The following MEI4 variants were observed in gnomAD, a reference collection of about 807,000 sequenced individuals.
The protein encoded by MEI4 is meiotic double-stranded break formation protein 4.
MEI4 carries 27 observed loss-of-function variants against 31.4 expected under a neutral mutation model. That is an observed-to-expected ratio of 0.86 (90% confidence interval 0.63 to 1.19). The LOEUF (loss-of-function observed/expected upper bound fraction) is 1.19, where lower values mean the gene tolerates loss of function less well. MEI4 is among the 50% of genes most tolerant of loss of function. MEI4 has a pLI of 0.00. For synonymous variants in MEI4, 122 were observed against 145.4 expected, an observed-to-expected ratio of 0.84 and a Z score of 1.16; for missense variants, 329 against 398.9, an observed-to-expected ratio of 0.82 and a Z score of 1.49.
intron 4 of MEI4, among the ~76,000 whole-genome samples, chr6:77,894,422 TGTC>T (rs1766038680): frequency 6.6e-6 from 1 of 152,040 alleles, no homozygotes; most frequent in Non-Finnish European, 1.5e-5. Context: ...GTAATACAAG[TGTC>T]TATAAGAATA....
chr6:77,661,547 G>A (rs961386493), intron 1 of MEI4, among the ~76,000 whole-genome samples: 2 of 152,172 alleles, frequency 1.3e-5, no homozygotes, highest in African/African-American at 2.4e-5. Flanking sequence ...AGCTTGATGT[G>A]TAGGAATGGG....
intron 2 of MEI4, among the ~76,000 whole-genome samples, chr6:77,715,792 A>C (rs1766566882): frequency 6.6e-6 from 1 of 152,234 alleles, no homozygotes; most frequent in African/African-American, 2.4e-5. Flanking sequence ...TCATATACTT[A>C]ACGTCACGTG....
At chr6:77,757,508 A>G (rs1433047840) in intron 2 of MEI4, among the ~76,000 whole-genome samples, 1 of 152,214 alleles carries the variant, frequency 6.6e-6, no homozygotes, top group Non-Finnish European at 1.5e-5. Flanking sequence ...TCAAATTTGT[A>G]CTTGTCATGC....
chr6:77,695,150 A>G lies in MEI4; in HGVS notation c.232+4247A>G, dbSNP rs1765988644. On this transcript the variant is annotated intron_variant, in intron 2 of 4. Coordinates refer to ENST00000684080, the MANE Select transcript of MEI4 (RefSeq NM_001322247.2). ...GTAAATTTGTTTGAGTTCATTGTAG[A>G]TTCTGGATATTAGCCCTTTGTCAGA... Among the ~76,000 whole-genome samples the G allele has an allele frequency of 2.0e-5, 3 of 152,062 alleles. No homozygotes were observed. In the South Asian group the frequency reaches 6.2e-4, roughly 31 times the overall value.
At chr6:77,850,411 C>A (rs1264443376) in intron 4 of MEI4, among the ~76,000 whole-genome samples, 2 of 152,152 alleles carry the variant, frequency 1.3e-5, no homozygotes, top group African/African-American at 2.4e-5. Context: ...GTAACCAAAA[C>A]AGCATGGTAC....
chr6:77,869,328 C>T (rs1183189079), intron 4 of MEI4, among the ~76,000 whole-genome samples: 1 of 152,072 alleles, frequency 6.6e-6, no homozygotes, highest in Non-Finnish European at 1.5e-5. Context: ...TATGTCGAAG[C>T]CCTAATCCCC....
intron 3 of MEI4, among the ~76,000 whole-genome samples, chr6:77,794,383 G>A (rs1175480279): frequency 6.6e-6 from 1 of 152,154 alleles, no homozygotes; most frequent in Non-Finnish European, 1.5e-5. Context: ...CTAACACGGT[G>A]AAATCCCGTC....
chr6:77,729,004 G>T (rs1293639480), intron 2 of MEI4, among the ~76,000 whole-genome samples: 5 of 152,208 alleles, frequency 3.3e-5, no homozygotes, highest in African/African-American at 1.2e-4. Flanking sequence ...CGGACAGTTA[G>T]AACATGTAAG....
chr6:77,751,395 A>G lies in MEI4; in HGVS notation c.233-9735A>G, dbSNP rs192672201. On this transcript the variant is annotated intron_variant, in intron 2 of 4. Transcript: ENST00000684080. ...TAGCCAGACTAATAAAGAAGAAAAG[A>G]GAGAAGAATCAAATAGATGAAATAA... Among the ~76,000 whole-genome samples, 213 of 152,290 alleles carry G rather than the reference A, an allele frequency of 1.4e-3. 1 individual carries two copies. The highest frequency in any genetic ancestry group is 4.5e-3 in the African/African-American group (187 of 41,578).
intron 4 of MEI4, among the ~76,000 whole-genome samples, chr6:77,876,642 G>A (rs1303901114): frequency 1.3e-5 from 2 of 152,122 alleles, no homozygotes; most frequent in Non-Finnish European, 1.5e-5. Context: ...CACAATGCCT[G>A]TCCACACTTG....
At chr6:77,914,060 GT>G (rs1766490215) in intron 4 of MEI4, among the ~76,000 whole-genome samples, 1 of 147,524 alleles carries the variant, frequency 6.8e-6, no homozygotes, top group Admixed American at 6.8e-5. Context: ...TTTCGTTGAT[GT>G]TTTATATTGT....
intron 4 of MEI4, among the ~76,000 whole-genome samples, chr6:77,868,548 T>A (rs1209545095): frequency 7.6e-6 from 1 of 131,366 alleles, no homozygotes; most frequent in African/African-American, 2.8e-5. Flanking sequence ...AAGTAAAATC[T>A]CTTAGAGAAG....
At chr6:77,801,819 A>T (rs1769270091) in intron 3 of MEI4, among the ~76,000 whole-genome samples, 2 of 152,106 alleles carry the variant, frequency 1.3e-5, no homozygotes. Flanking sequence ...TTGTAGTTTG[A>T]TTGCACTGTG....
chr6:77,918,986 T>G (rs1024798264), intron 4 of MEI4, among the ~76,000 whole-genome samples: 1 of 151,952 alleles, frequency 6.6e-6, no homozygotes, highest in Admixed American at 6.6e-5. Context: ...GAAGGGTTGT[T>G]GAATTATAAA....
chr6:77,665,442 G>A (rs1249300946), intron 1 of MEI4, among the ~76,000 whole-genome samples: 1 of 151,938 alleles, frequency 6.6e-6, no homozygotes, highest in Non-Finnish European at 1.5e-5. Context: ...TTGCCGCTAA[G>A]GGTGAAGGAG....
chr6:77,706,723 G>A (rs912523549), intron 2 of MEI4, among the ~76,000 whole-genome samples: 12 of 152,108 alleles, frequency 7.9e-5, no homozygotes, highest in Non-Finnish European at 1.8e-4. Flanking sequence ...TTCCCTATGA[G>A]TTCATGTGAG....
At chr6:77,843,570 A>G (rs572642315) in intron 4 of MEI4, among the ~76,000 whole-genome samples, 1 of 152,136 alleles carries the variant, frequency 6.6e-6, no homozygotes, top group South Asian at 2.1e-4. Context: ...AAGTTGTTCA[A>G]AACAACCATC....
intron 3 of MEI4, among the ~76,000 whole-genome samples, chr6:77,775,429 A>G (rs1028327244): frequency 3.3e-5 from 5 of 152,088 alleles, no homozygotes; most frequent in African/African-American, 9.7e-5. Context: ...GTGAGAACAT[A>G]CAATGTCTGG....
chr6:77,885,589 T>A (rs1308276141), intron 4 of MEI4, among the ~76,000 whole-genome samples: 1 of 152,166 alleles, frequency 6.6e-6, no homozygotes, highest in Non-Finnish European at 1.5e-5. Flanking sequence ...AGGTTTTTTT[T>A]AAATGTAAGA....
Sources: allele counts gnomAD v4.1 joint callset (sites outside exome capture counted in the v4.1 genomes callset), GRCh38; gene constraint gnomAD v4.1.1; transcripts MANE v1.5; gene names NCBI Gene and HGNC (gene_info 2026-07-23, HGNC 2026-07-21).